EBF1: variants seen among roughly 807,000 people sequenced by gnomAD.
EBF1 encodes transcription factor COE1.
A neutral mutation model predicts 68.4 loss-of-function variants in EBF1; 10 were observed. The ratio of observed to expected loss-of-function variants is 0.15; its 90% confidence interval spans 0.09 to 0.25. The LOEUF (loss-of-function observed/expected upper bound fraction) is 0.25. Ranked by LOEUF, EBF1 falls within the 10% of genes least tolerant of loss-of-function variation. The pLI is 1.00. For missense variants in EBF1, 509 were observed against 794.4 expected (o/e 0.64, Z 4.32); for synonymous variants, 298 against 299.8 (o/e 0.99, Z 0.06).
intron 6 of EBF1, among the ~76,000 whole-genome samples, chr5:158,929,321 A>C (rs1810357941): frequency 2.0e-5 from 3 of 152,196 alleles, no homozygotes; most frequent in Admixed American, 2.0e-4. Flanking sequence ...TCAGGCGACA[A>C]AGCTTCTTTA....
intron 8 of EBF1, 91 bp downstream of exon 8, chr5:158,823,085 C>A: frequency 6.4e-7 from 1 of 1,561,796 alleles, no homozygotes; most frequent in Non-Finnish European, 8.8e-7. Context: ...AAATTTGAAA[C>A]AGAATAGAAC....
chr5:158,738,843 TTTTTTG>T (rs1252497377), intron 10 of EBF1, among the ~76,000 whole-genome samples: 3 of 152,200 alleles, frequency 2.0e-5, no homozygotes, highest in Non-Finnish European at 4.4e-5. Context: ...TAAACTGCTG[TTTTTTG>T]TTTTTGTTTT....
intron 6 of EBF1, chr5:158,983,665 T>G (rs527237473): frequency 6.6e-6 from 1 of 152,178 alleles, no homozygotes; most frequent in Non-Finnish European, 1.5e-5. Context: ...TTGGCTCTAA[T>G]GTCTTTGGAA....
rs1002529055 is a variant in EBF1, at chr5:158,914,111, C to A, written c.555-74001G>T. 4.6e-5 allele frequency among the ~76,000 whole-genome samples: 7 copies of A among 152,144 alleles called. No individual in the cohort carries two copies. The South Asian group carries it at 6.2e-4, about 14-fold the overall frequency. ...TGTAGGGAGAGCTGGGACACACCAG[C>A]TGTTTAAAAAGCCAAGTGGCTCCTA... On this transcript the variant is annotated intron_variant, in intron 6 of 15. Coordinates refer to ENST00000313708, the MANE Select transcript of EBF1 (RefSeq NM_024007.5).
intron 6 of EBF1, among the ~76,000 whole-genome samples, chr5:158,946,404 C>T (rs1814724549): frequency 2.0e-5 from 3 of 152,122 alleles, no homozygotes; most frequent in Admixed American, 1.3e-4. Context: ...GATACTATTG[C>T]TTTCTGTTTG....
chr5:158,861,677 C>A (rs1200188998), intron 6 of EBF1, among the ~76,000 whole-genome samples: 1 of 152,188 alleles, frequency 6.6e-6, no homozygotes, highest in Non-Finnish European at 1.5e-5. Context: ...AGGGCCAAAG[C>A]AGTTTAGTTT....
intron 8 of EBF1, among the ~76,000 whole-genome samples, chr5:158,821,115 T>C (rs1784728949): frequency 6.6e-6 from 1 of 152,046 alleles, no homozygotes. Flanking sequence ...CACTTCCCTA[T>C]CTACATTACC....
At chr5:158,823,869 C>T (rs182144896) in intron 7 of EBF1, among the ~76,000 whole-genome samples, 2 of 152,126 alleles carry the variant, frequency 1.3e-5, no homozygotes, top group East Asian at 3.9e-4. Context: ...AAGTCCCCCT[C>T]ACTACTATTA....
At chr5:158,987,064 C>T (rs1759233965) in intron 6 of EBF1, 1 of 152,190 alleles carries the variant, frequency 6.6e-6, no homozygotes, top group Admixed American at 6.5e-5. Flanking sequence ...CCAACCCTAG[C>T]ACTAACAGAT....
intron 7 of EBF1, among the ~76,000 whole-genome samples, chr5:158,823,620 G>T (rs1168561786): frequency 6.6e-6 from 1 of 152,124 alleles, no homozygotes; most frequent in Non-Finnish European, 1.5e-5. Context: ...TTACACAAGG[G>T]TGGTTGTGTT....
chr5:159,015,029 C>T (rs903071251), intron 6 of EBF1, among the ~76,000 whole-genome samples: 1 of 152,172 alleles, frequency 6.6e-6, no homozygotes, highest in Non-Finnish European at 1.5e-5. Flanking sequence ...ATTTAGGCCA[C>T]TCTTGTTTTG....
intron 6 of EBF1, among the ~76,000 whole-genome samples, chr5:158,870,958 A>G (rs1400348544): frequency 6.6e-6 from 1 of 152,248 alleles, no homozygotes; most frequent in Non-Finnish European, 1.5e-5. Context: ...CGAAGCAGCA[A>G]ACTTACAATT....
rs184667783 is a variant in EBF1, at chr5:159,050,741, C to T, written c.554+22655G>A. Among the ~76,000 whole-genome samples the T allele has an allele frequency of 7.2e-5, 11 of 152,336 alleles. No homozygotes were observed. The East Asian group carries it at 1.5e-3, about 21-fold the overall frequency. On this transcript the variant is annotated intron_variant, in intron 6 of 15. Transcript: ENST00000313708. ...AGTCTGGCTGGGTTCAGCCAGGAGCCCTCCTTCCCCGCCAAGGCTTAGAAG... is the reference window on the plus strand; with the variant it reads ...AGTCTGGCTGGGTTCAGCCAGGAGCTCTCCTTCCCCGCCAAGGCTTAGAAG...
chr5:158,862,365 C>A (rs12517953), intron 6 of EBF1, among the ~76,000 whole-genome samples: 2,808 of 152,130 alleles, frequency 0.018, 94 homozygotes, highest in African/African-American at 0.064. Flanking sequence ...AACAAGAACA[C>A]ACAAACAAAC....
At chr5:158,949,149 TCTC>T (rs1343145753) in intron 6 of EBF1, among the ~76,000 whole-genome samples, 1 of 152,250 alleles carries the variant, frequency 6.6e-6, no homozygotes, top group East Asian at 1.9e-4. Context: ...CTTTTCCTGT[TCTC>T]CTTACAATTC....
chr5:159,007,650 T>C (rs1414433453), intron 6 of EBF1, among the ~76,000 whole-genome samples: 7 of 152,166 alleles, frequency 4.6e-5, no homozygotes, highest in Non-Finnish European at 1.0e-4. Context: ...AATGACCAAG[T>C]AGCCAGGGCC....
intron 15 of EBF1, 93 bp from the exon 16 acceptor site, chr5:158,699,235 A>C: frequency 7.8e-7 from 1 of 1,284,776 alleles, no homozygotes; most frequent in Non-Finnish European, 1.1e-6. Context: ...AAACACCCAC[A>C]CACAACTATG....
intron 10 of EBF1, among the ~76,000 whole-genome samples, chr5:158,763,274 G>A (rs549924960): frequency 6.6e-6 from 1 of 152,254 alleles, no homozygotes; most frequent in African/African-American, 2.4e-5. Context: ...AGTATATTTG[G>A]GTGGACCCCA....
chr5:158,855,036 G>C (rs899207186), intron 6 of EBF1, among the ~76,000 whole-genome samples: 10 of 152,248 alleles, frequency 6.6e-5, no homozygotes, highest in Admixed American at 1.3e-4. Context: ...ACCAGGATCT[G>C]GGCCCAGAAA....
Sources: allele counts gnomAD v4.1 joint callset (sites outside exome capture counted in the v4.1 genomes callset), GRCh38; gene constraint gnomAD v4.1.1; transcripts MANE v1.5; gene names NCBI Gene and HGNC (gene_info 2026-07-23, HGNC 2026-07-21).